The following ZNF385D variants were observed in gnomAD, a reference collection of about 807,000 sequenced individuals.
ZNF385D encodes the protein zinc finger protein 385D, also known as zinc finger protein 659.
A neutral mutation model predicts 35.8 loss-of-function variants in ZNF385D; 15 were observed. The ratio of observed to expected loss-of-function variants is 0.42; its 90% CI spans 0.28 to 0.64. The LOEUF is 0.64. ZNF385D is among the 30% of genes least tolerant of loss of function. The probability of loss-of-function intolerance (pLI) is 0.23; values close to 1 mark genes in which losing one functional copy is unlikely to be tolerated. For synonymous variants in ZNF385D, 212 were observed against 186.8 expected, an observed-to-expected ratio of 1.13 and a Z score of -1.10; for missense variants, 474 against 494.6, an observed-to-expected ratio of 0.96 and a Z score of 0.39.
At chr3:22,368,188 G>A (rs1696741149) in intron 2 of ZNF385D, among the ~76,000 whole-genome samples, 1 of 152,104 alleles carries the variant, frequency 6.6e-6, no homozygotes, top group African/African-American at 2.4e-5. Context: ...AATAAATAAA[G>A]TAACTAAGCG....
chr3:21,661,841 T>C (rs532969048), intron 2 of ZNF385D, among the ~76,000 whole-genome samples: 1 of 152,180 alleles, frequency 6.6e-6, no homozygotes, highest in Non-Finnish European at 1.5e-5. Flanking sequence ...TAACTATGCT[T>C]ACTTTTATAG....
chr3:22,305,303 G>A (rs893046403), intron 2 of ZNF385D, among the ~76,000 whole-genome samples: 9 of 151,600 alleles, frequency 5.9e-5, no homozygotes, highest in African/African-American at 1.7e-4. Flanking sequence ...ATTATTTTTC[G>A]TAGCTTCTAG....
intron 1 of ZNF385D, among the ~76,000 whole-genome samples, chr3:21,667,205 A>C (rs1420671924): frequency 6.6e-6 from 1 of 152,192 alleles, no homozygotes; most frequent in Non-Finnish European, 1.5e-5. Flanking sequence ...CTTGTTTCCC[A>C]GGCTGGAGTG....
chr3:21,758,593 G>A (rs1265546122), intron 3 of ZNF385D, among the ~76,000 whole-genome samples: 3 of 151,976 alleles, frequency 2.0e-5, no homozygotes, highest in Admixed American at 6.6e-5. Flanking sequence ...AGTGATTCAG[G>A]GGAAATTAAT....
intron 3 of ZNF385D, among the ~76,000 whole-genome samples, chr3:22,157,896 G>A (rs1705694095): frequency 6.6e-6 from 1 of 152,198 alleles, no homozygotes; most frequent in South Asian, 2.1e-4. Context: ...TTTTGTACCT[G>A]CACACAAAGT....
rs1295834002 is a variant in ZNF385D at position 21,415,654 on chromosome 3, TA to T, written c.*5559del. The stretch of plus-strand genomic sequence containing the variant: ...TCGTCACTATACTATTACTTATTTT[TA>T]ATTATACTTCTTTGCTCACAAATCA... On this transcript the variant is annotated 3_prime_UTR_variant, in exon 8 of 8. Transcript: ENST00000281523. 2.0e-5 allele frequency: 3 copies of T among 152,144 alleles called. No homozygotes were observed. The highest frequency in any genetic ancestry group is 2.0e-4 in the Admixed American group (3 of 15,260). 9.4% of individuals were successfully genotyped at this position (152,144 alleles called of 1,614,324 possible).
intron 4 of ZNF385D, among the ~76,000 whole-genome samples, chr3:21,481,180 A>T (rs559195513): frequency 1.3e-5 from 2 of 152,328 alleles, no homozygotes; most frequent in South Asian, 4.1e-4. Flanking sequence ...CAGAATTTTA[A>T]TATATCTCAC....
At chr3:21,722,328 T>C (rs1031215482) in intron 1 of ZNF385D, among the ~76,000 whole-genome samples, 2 of 152,172 alleles carry the variant, frequency 1.3e-5, no homozygotes, top group African/African-American at 4.8e-5. Flanking sequence ...AATAGACATT[T>C]TGTAGGATGT....
chr3:21,492,503 C>A (rs1211879516), intron 4 of ZNF385D, among the ~76,000 whole-genome samples: 1 of 150,772 alleles, frequency 6.6e-6, no homozygotes, highest in Non-Finnish European at 1.5e-5. Context: ...AAAAAAATGG[C>A]CGGGCATGGT....
At chr3:22,117,256 G>A (rs900730429) in intron 3 of ZNF385D, among the ~76,000 whole-genome samples, 4 of 152,028 alleles carry the variant, frequency 2.6e-5, no homozygotes, top group Non-Finnish European at 5.9e-5. Context: ...CTCCCTAGGG[G>A]ATTAAATAGG....
chr3:21,982,530 C>G (rs902469837), intron 3 of ZNF385D, among the ~76,000 whole-genome samples: 1 of 152,128 alleles, frequency 6.6e-6, no homozygotes, highest in Non-Finnish European at 1.5e-5. Context: ...TGTCTGCAAA[C>G]AGAAATAGTT....
chr3:21,880,504 T>A (rs192481896), intron 3 of ZNF385D, among the ~76,000 whole-genome samples: 1 of 152,018 alleles, frequency 6.6e-6, no homozygotes, highest in Non-Finnish European at 1.5e-5. Context: ...GCAAACTTCA[T>A]TGATAAATGT....
intron 1 of ZNF385D, among the ~76,000 whole-genome samples, chr3:21,724,635 A>G (rs1393926033): frequency 6.6e-6 from 1 of 152,118 alleles, no homozygotes; most frequent in Non-Finnish European, 1.5e-5. Flanking sequence ...AGAGCTAACT[A>G]TACTAAATAT....
At chr3:22,185,772 C>CT (rs1361579285) in intron 2 of ZNF385D, among the ~76,000 whole-genome samples, 1 of 152,056 alleles carries the variant, frequency 6.6e-6, no homozygotes, top group Non-Finnish European at 1.5e-5. Context: ...TGTCCACTTT[C>CT]TTTTTTAAAA....
intron 5 of ZNF385D, among the ~76,000 whole-genome samples, chr3:21,429,306 T>C (rs1014349306): frequency 5.3e-5 from 8 of 152,120 alleles, no homozygotes; most frequent in Non-Finnish European, 1.0e-4. Flanking sequence ...TTTGTACATG[T>C]GCATTTTAAA....
In ZNF385D at chr3:21,759,394, G is replaced by A. The variant is rs557545862; in HGVS notation, c.326-94366C>T. Among the ~76,000 whole-genome samples, 3 of 152,162 alleles carry A rather than the reference G, an allele frequency of 2.0e-5. No homozygotes were observed. The East Asian group carries it at 5.8e-4, about 29-fold the overall frequency. On this transcript the variant is annotated intron_variant, in intron 3 of 5. Transcript: ENST00000494108. ...GTTTCTCAAAAGATCTTCAAGCAATGTAAGGTTGGAGAAGAAAACACAGAT... is the reference window on the plus strand; with the variant it reads ...GTTTCTCAAAAGATCTTCAAGCAATATAAGGTTGGAGAAGAAAACACAGAT...
intron 3 of ZNF385D, among the ~76,000 whole-genome samples, chr3:22,013,361 C>T (rs1418330493): frequency 6.6e-6 from 1 of 152,118 alleles, no homozygotes; most frequent in Non-Finnish European, 1.5e-5. Context: ...AATCCCTAAA[C>T]ATGATGATGA....
intron 4 of ZNF385D, among the ~76,000 whole-genome samples, chr3:21,478,915 T>C (rs1704416583): frequency 6.6e-6 from 1 of 151,866 alleles, no homozygotes; most frequent in Non-Finnish European, 1.5e-5. Context: ...TCACAGGAGG[T>C]TTTAAAATGT....
At chr3:22,290,856 G>A (rs566510970) in intron 2 of ZNF385D, among the ~76,000 whole-genome samples, 4 of 152,232 alleles carry the variant, frequency 2.6e-5, no homozygotes, top group Non-Finnish European at 2.9e-5. Context: ...ACATGCGGGG[G>A]CTTTTAATGG....
Sources: allele counts gnomAD v4.1 joint callset (sites outside exome capture counted in the v4.1 genomes callset), GRCh38; gene constraint gnomAD v4.1.1; transcripts MANE v1.5; gene names NCBI Gene and HGNC (gene_info 2026-07-23, HGNC 2026-07-21).